SAMMSON: variants seen among roughly 807,000 people sequenced by gnomAD.
The protein encoded by SAMMSON is survival associated mitochondrial melanoma specific oncogenic non-coding RNA, also known as long intergenic non-protein coding RNA 1212.
chr3:70,055,765 C>A (rs1477272034), intron 3 of SAMMSON, among the ~76,000 whole-genome samples: 1 of 152,026 alleles, frequency 6.6e-6, no homozygotes, highest in Non-Finnish European at 1.5e-5. Context: ...ATTATTGTCA[C>A]CTTGTTACCT....
At position 70,143,734 on chromosome 3, in the gene SAMMSON, C is replaced by A. The variant is rs1206049449; in HGVS notation, n.507+72169C>A. ...AGTCCTTCAAGTCAAAGAGTGAGCT[C>A]CCTGCAGTTGCTAGCATTGGTGTGT... On this transcript the variant is annotated intron_variant and non_coding_transcript_variant, in intron 4 of 9. Coordinates refer to ENST00000642114, the Ensembl canonical transcript of SAMMSON. Among the ~76,000 whole-genome samples the A allele has an allele frequency of 2.0e-5, 3 of 152,110 alleles. No homozygotes were observed. The East Asian group carries it at 5.8e-4, about 29-fold the overall frequency.
intron 4 of SAMMSON, among the ~76,000 whole-genome samples, chr3:70,207,765 A>G (rs1474776772): frequency 1.3e-5 from 2 of 152,106 alleles, no homozygotes; most frequent in Non-Finnish European, 2.9e-5. Flanking sequence ...ATATGGGAGG[A>G]TATGCATAGG....
rs2067046158 is a variant in SAMMSON at position 70,027,634 on chromosome 3, A to G, written n.417+13962A>G. On this transcript the variant is annotated intron_variant and non_coding_transcript_variant, in intron 3 of 9. Coordinates refer to ENST00000642114, the Ensembl canonical transcript of SAMMSON. Reference sequence around the variant, plus strand: ...ATAGCAACAAATACTGGTTTATTTTAGAATAACACTACCAAGGTGGATCTA... The same window carrying G: ...ATAGCAACAAATACTGGTTTATTTTGGAATAACACTACCAAGGTGGATCTA... Among the ~76,000 whole-genome samples the G allele has an allele frequency of 3.3e-5, 5 of 152,236 alleles. No homozygotes were observed. The South Asian group carries it at 8.3e-4, about 25-fold the overall frequency.
intron 7 of SAMMSON, among the ~76,000 whole-genome samples, chr3:70,328,965 C>G (rs1702601101): frequency 6.6e-6 from 1 of 152,058 alleles, no homozygotes; most frequent in Non-Finnish European, 1.5e-5. Context: ...AGATAAATGA[C>G]AACAGACAGT....
intron 2 of SAMMSON, among the ~76,000 whole-genome samples, chr3:70,433,465 G>A (rs939521604): frequency 6.6e-6 from 1 of 152,080 alleles, no homozygotes; most frequent in Non-Finnish European, 1.5e-5. Flanking sequence ...TGTTGGCGGG[G>A]TGACTGTTTA....
intron 4 of SAMMSON, among the ~76,000 whole-genome samples, chr3:70,243,594 T>C (rs1180980335): frequency 6.6e-6 from 1 of 152,186 alleles, no homozygotes; most frequent in Non-Finnish European, 1.5e-5. Context: ...TTCTTTGTCG[T>C]GGGGGTGCTG....
intron 4 of SAMMSON, among the ~76,000 whole-genome samples, chr3:70,112,079 G>A (rs1222767298): frequency 1.3e-5 from 2 of 152,128 alleles, no homozygotes; most frequent in Non-Finnish European, 2.9e-5. Context: ...TCTTCAGATT[G>A]AAGAATTACA....
At chr3:70,175,989 A>G (rs1289786551) in intron 4 of SAMMSON, among the ~76,000 whole-genome samples, 1 of 152,034 alleles carries the variant, frequency 6.6e-6, no homozygotes, top group Non-Finnish European at 1.5e-5. Context: ...ATCTAGAGAT[A>G]TTTCTGCCTT....
chr3:70,422,532 C>A (rs191564884), intron 2 of SAMMSON, among the ~76,000 whole-genome samples: 15 of 151,890 alleles, frequency 9.9e-5, no homozygotes, highest in Admixed American at 9.2e-4. Flanking sequence ...TGCCTGAATT[C>A]AAAAAAATCA....
At chr3:70,232,546 C>T (rs1284341366) in intron 4 of SAMMSON, among the ~76,000 whole-genome samples, 1 of 151,854 alleles carries the variant, frequency 6.6e-6, no homozygotes, top group African/African-American at 2.4e-5. Context: ...ATTACAGGTG[C>T]CCGCCACCAC....
chr3:69,999,952 C>G (rs1213109373), intron 1 of SAMMSON: 1 of 152,266 alleles, frequency 6.6e-6, no homozygotes, highest in Non-Finnish European at 1.5e-5. Flanking sequence ...CTTCTCGCTC[C>G]CCCATCACCG....
chr3:70,388,093 G>C (rs929640296), intron 9 of SAMMSON, among the ~76,000 whole-genome samples: 4 of 152,036 alleles, frequency 2.6e-5, no homozygotes, highest in Non-Finnish European at 5.9e-5. Context: ...CGTTCTTAGT[G>C]GTTGTGCAAA....
At chr3:70,031,535 TTTATG>T (rs1021119118) in intron 3 of SAMMSON, among the ~76,000 whole-genome samples, 2 of 152,172 alleles carry the variant, frequency 1.3e-5, no homozygotes, top group East Asian at 1.9e-4. Context: ...AACAGTAAAT[TTTATG>T]TTATGTATAA....
intron 4 of SAMMSON, among the ~76,000 whole-genome samples, chr3:70,109,396 C>T (rs143986936): frequency 1.3e-4 from 20 of 152,204 alleles, no homozygotes; most frequent in African/African-American, 4.3e-4. Context: ...ACAATTCCTC[C>T]GGCTACAATT....
At chr3:70,337,441 G>T (rs540072326) in intron 7 of SAMMSON, among the ~76,000 whole-genome samples, 138 of 151,680 alleles carry the variant, frequency 9.1e-4, no homozygotes, top group African/African-American at 3.1e-3. Flanking sequence ...TATTCTGCTT[G>T]ATGGCTACAT....
At chr3:70,174,125 G>A (rs541755509) in intron 4 of SAMMSON, among the ~76,000 whole-genome samples, 1 of 152,016 alleles carries the variant, frequency 6.6e-6, no homozygotes, top group East Asian at 1.9e-4. Context: ...GTTATGAACA[G>A]ATTTTGTTTT....
chr3:70,087,124 A>G (rs2067288370), intron 4 of SAMMSON, among the ~76,000 whole-genome samples: 1 of 152,094 alleles, frequency 6.6e-6, no homozygotes, highest in Non-Finnish European at 1.5e-5. Flanking sequence ...GATTCACTAT[A>G]TTGAAGTTCT....
At chr3:70,205,686 A>C (rs1701283258) in intron 4 of SAMMSON, 1 of 152,156 alleles carries the variant, frequency 6.6e-6, no homozygotes, top group African/African-American at 2.4e-5. Context: ...GGCAGAAGTG[A>C]AACTGATGTG....
chr3:70,164,287 A>G (rs925203867), intron 4 of SAMMSON, among the ~76,000 whole-genome samples: 1 of 152,016 alleles, frequency 6.6e-6, no homozygotes, highest in African/African-American at 2.4e-5. Flanking sequence ...TCATCTACTC[A>G]TGGTAATAAT....
Sources: allele counts gnomAD v4.1 joint callset (sites outside exome capture counted in the v4.1 genomes callset), GRCh38; gene constraint gnomAD v4.1.1; transcripts MANE v1.5; gene names NCBI Gene and HGNC (gene_info 2026-07-23, HGNC 2026-07-21).